TANC2: variants seen among roughly 807,000 people sequenced by gnomAD.
The protein encoded by TANC2 is protein TANC2.
In TANC2, 26 loss-of-function variants were observed where a neutral mutation model predicts 210.5. The observed-to-expected ratio is 0.12, with a 90% CI of 0.09 to 0.17. The LOEUF (loss-of-function observed/expected upper bound fraction) is 0.17, where lower values mean the gene tolerates loss of function less well. Among genes scored for constraint, TANC2 ranks in the 10% least tolerant of loss-of-function variants. The pLI is 1.00. For synonymous variants in TANC2, 931 were observed against 967.1 expected (o/e 0.96, Z 0.69); for missense variants, 2,129 against 2,608.9 (o/e 0.82, Z 4.01).
intron 3 of TANC2, 96 bp downstream of exon 3, chr17:63,074,110 T>C: frequency 1.2e-6 from 1 of 803,238 alleles, no homozygotes; most frequent in East Asian, 3.0e-5. Flanking sequence ...TGCCATGGTA[T>C]AGTTTAGATA....
intron 14 of TANC2, among the ~76,000 whole-genome samples, chr17:63,372,570 G>A (rs756504446): frequency 4.6e-5 from 7 of 152,080 alleles, no homozygotes; most frequent in African/African-American, 9.7e-5. Context: ...AAATGCATTC[G>A]CTTAATATGT....
chr17:63,156,296 G>C (rs1160510222), intron 5 of TANC2, among the ~76,000 whole-genome samples: 1 of 151,952 alleles, frequency 6.6e-6, no homozygotes, highest in African/African-American at 2.4e-5. Flanking sequence ...CCTTTAAAAT[G>C]ATAAGTAAAA....
At chr17:63,271,400 C>A (rs1268182713) in intron 9 of TANC2, among the ~76,000 whole-genome samples, 1 of 150,108 alleles carries the variant, frequency 6.7e-6, no homozygotes, top group Non-Finnish European at 1.5e-5. Flanking sequence ...TTTTGATTTG[C>A]ATTTCTCTAA....
At chr17:63,125,354 G>A (rs1293253860) in intron 4 of TANC2, 1 of 152,162 alleles carries the variant, frequency 6.6e-6, no homozygotes, top group Non-Finnish European at 1.5e-5. Context: ...GCAACTGCAT[G>A]ATCCTATGTA....
chr17:63,031,594 C>T (rs939815954), intron 2 of TANC2, among the ~76,000 whole-genome samples: 2 of 152,088 alleles, frequency 1.3e-5, no homozygotes, highest in Admixed American at 6.6e-5. Flanking sequence ...TTCTGTTAAG[C>T]TTCCAGTGGA....
At chr17:63,022,309 C>T (rs930335972) in intron 2 of TANC2, among the ~76,000 whole-genome samples, 1 of 148,544 alleles carries the variant, frequency 6.7e-6, no homozygotes, top group Non-Finnish European at 1.5e-5. Flanking sequence ...CCACTGCCCT[C>T]CAGCCTGGGC....
intron 8 of TANC2, among the ~76,000 whole-genome samples, chr17:63,241,185 A>G (rs182237954): frequency 1.3e-5 from 2 of 152,340 alleles, no homozygotes; most frequent in Admixed American, 6.5e-5. Flanking sequence ...AGTAAGCTCT[A>G]TATGAGATGG....
At chr17:63,200,669 A>C in intron 6 of TANC2, 102 bp from the exon 7 acceptor site, 5 of 998,154 alleles carry the variant, frequency 5.0e-6, no homozygotes, top group Non-Finnish European at 7.4e-6. Flanking sequence ...TGTAAAAGCT[A>C]TGCATGTAGT....
chr17:63,027,669 C>T (rs1327053791), intron 2 of TANC2, among the ~76,000 whole-genome samples: 1 of 151,752 alleles, frequency 6.6e-6, no homozygotes, highest in Non-Finnish European at 1.5e-5. Context: ...AATACAAACC[C>T]ATACATGTAC....
chr17:63,186,688 T>A (rs1327307258), intron 5 of TANC2, among the ~76,000 whole-genome samples: 3 of 152,192 alleles, frequency 2.0e-5, no homozygotes, highest in Non-Finnish European at 4.4e-5. Flanking sequence ...TTCTTGGATC[T>A]TTCCATTTCC....
At chr17:63,342,173 T>C (rs1598896148) in intron 12 of TANC2, among the ~76,000 whole-genome samples, 1 of 152,114 alleles carries the variant, frequency 6.6e-6, no homozygotes, top group Non-Finnish European at 1.5e-5. Flanking sequence ...TTTCAAAATA[T>C]ATATATGTAT....
chr17:63,377,749 G>A (rs1171783956), intron 14 of TANC2, among the ~76,000 whole-genome samples: 3 of 152,170 alleles, frequency 2.0e-5, no homozygotes, highest in South Asian at 2.1e-4. Flanking sequence ...CCAACTTACT[G>A]TATTAGTCCA....
At chr17:63,250,282 G>GTATTTATTTATTTATT (rs372173982) in intron 8 of TANC2, among the ~76,000 whole-genome samples, 37 of 150,776 alleles carry the variant, frequency 2.5e-4, no homozygotes, top group African/African-American at 8.8e-4. Context: ...AAATATTATA[G>GTATTTATTTATTTATT]TATTTATTTA....
At chr17:63,074,189 T>C (rs887709322) in intron 3 of TANC2, among the ~76,000 whole-genome samples, 175 bp downstream of exon 3, 2 of 152,164 alleles carry the variant, frequency 1.3e-5, no homozygotes, top group Admixed American at 6.5e-5. Flanking sequence ...TCAAGATATA[T>C]GAAAATTAAA....
rs1316613135 is a variant in TANC2 at position 63,073,924 on chromosome 17, T to C, written c.68-19T>C. The C allele has an allele frequency of 6.4e-7, 1 of 1,564,364 alleles. No individual in the cohort carries two copies. The highest frequency in any genetic ancestry group is 8.7e-7 in the Non-Finnish European group (1 of 1,153,660). The stretch of plus-strand genomic sequence containing the variant: ...AATCTCATTATCTATTTGCTTATGC[T>C]CCTTTTAATTTTATGCAGATGGAGG... On this transcript the variant is annotated intron_variant, in intron 2 of 27. Coordinates refer to ENST00000689528, the Ensembl canonical transcript of TANC2.
chr17:63,363,329 T>C (rs2047018737), intron 14 of TANC2, among the ~76,000 whole-genome samples: 1 of 152,238 alleles, frequency 6.6e-6, no homozygotes, highest in African/African-American at 2.4e-5. Context: ...CTTTGTTGTT[T>C]CCTTCCTTTG....
chr17:63,196,243 A>G (rs1220916970), intron 6 of TANC2, among the ~76,000 whole-genome samples: 1 of 152,210 alleles, frequency 6.6e-6, no homozygotes, highest in African/African-American at 2.4e-5. Context: ...CATTGTAACT[A>G]TGTCAATATG....
At chr17:63,306,052 G>T (rs1225790615) in intron 9 of TANC2, among the ~76,000 whole-genome samples, 2 of 152,116 alleles carry the variant, frequency 1.3e-5, no homozygotes, top group African/African-American at 4.8e-5. Flanking sequence ...AGGGAATGAC[G>T]TAATGTGGTC....
chr17:63,372,946 G>GTGC (rs2047316082), intron 14 of TANC2, among the ~76,000 whole-genome samples: 1 of 131,766 alleles, frequency 7.6e-6, no homozygotes, highest in African/African-American at 2.9e-5. Flanking sequence ...CCAGGCTGAA[G>GTGC]TGCAGTAGCA....
Sources: allele counts gnomAD v4.1 joint callset (sites outside exome capture counted in the v4.1 genomes callset), GRCh38; gene constraint gnomAD v4.1.1; transcripts MANE v1.5; gene names NCBI Gene and HGNC (gene_info 2026-07-23, HGNC 2026-07-21).